Variants in SLC2A13 observed in about 807,000 individuals in gnomAD.
The protein encoded by SLC2A13 is proton myo-inositol cotransporter.
In SLC2A13, 32 loss-of-function variants were observed where a neutral mutation model predicts 64.4. That is an observed-to-expected ratio of 0.50 (90% CI 0.37 to 0.67). The LOEUF (loss-of-function observed/expected upper bound fraction) is 0.67, where lower values mean the gene tolerates loss of function less well. Ranked by LOEUF, SLC2A13 falls within the 30% of genes least tolerant of loss-of-function variation. The probability of loss-of-function intolerance (pLI) is 0.00; values close to 1 mark genes in which losing one functional copy is unlikely to be tolerated. For synonymous variants in SLC2A13, 338 were observed against 327.1 expected, an observed-to-expected ratio of 1.03 and a Z score of -0.36; for missense variants, 743 against 829.2, an observed-to-expected ratio of 0.90 and a Z score of 1.28.
At chr12:39,899,034 T>A (rs1945008003) in intron 4 of SLC2A13, among the ~76,000 whole-genome samples, 1 of 152,136 alleles carries the variant, frequency 6.6e-6, no homozygotes, top group Non-Finnish European at 1.5e-5. Flanking sequence ...TTCTATTGAT[T>A]GGAATAGTTT....
intron 6 of SLC2A13, among the ~76,000 whole-genome samples, chr12:39,837,469 C>T (rs1943042824): frequency 7.2e-6 from 1 of 138,056 alleles, no homozygotes; most frequent in African/African-American, 2.7e-5. Flanking sequence ...GCAATGGCAA[C>T]AAAAGACAAA....
Position 39,988,743 on chromosome 12 carries a change from T to C in SLC2A13, c.926-37378A>G, listed in dbSNP as rs907996878. Among the ~76,000 whole-genome samples the C allele has an allele frequency of 3.3e-4, 48 of 147,260 alleles. 1 individual carries two copies. Among genetic ancestry groups the C allele is most frequent in the Non-Finnish European group, 9.0e-5 (6 of 66,836 alleles). The stretch of plus-strand genomic sequence containing the variant: ...GAAGGAAGGAAGGGGGGGAGGAAAA[T>C]GCTGCTAAAGAGGAAACCAAGTTGT... On this transcript the variant is annotated intron_variant, in intron 3 of 9. Coordinates refer to ENST00000280871, the MANE Select transcript of SLC2A13 (RefSeq NM_052885.4).
intron 1 of SLC2A13, among the ~76,000 whole-genome samples, chr12:40,074,093 T>C (rs938318418): frequency 1.3e-5 from 2 of 152,130 alleles, no homozygotes; most frequent in African/African-American, 4.8e-5. Context: ...TTTGGAGGAT[T>C]CTTTTAAAAA....
At chr12:39,971,068 A>C (rs1946639043) in intron 3 of SLC2A13, among the ~76,000 whole-genome samples, 1 of 152,108 alleles carries the variant, frequency 6.6e-6, no homozygotes, top group Non-Finnish European at 1.5e-5. Context: ...TTTCTCTTCT[A>C]ATTCTTAACT....
chr12:40,058,599 A>C lies in SLC2A13; in HGVS notation c.557-10389T>G, dbSNP rs530997981. Among the ~76,000 whole-genome samples the C allele has an allele frequency of 4.6e-5, 7 of 152,286 alleles. No homozygotes were observed. The East Asian group carries it at 9.6e-4, about 21-fold the overall frequency. On this transcript the variant is annotated intron_variant, in intron 1 of 9. Transcript: ENST00000280871. ...TTTACTATGCAGCCAAAATTATTTT[A>C]ATGGACTTAATCAATTTCATATTTT...
chr12:40,105,389 G>A lies in SLC2A13; in HGVS notation c.420C>T (p.Ala140=), dbSNP rs551021028. The A allele has an allele frequency of 4.2e-5, 66 of 1,559,694 alleles. No homozygotes were observed. The South Asian group carries it at 7.4e-4, about 17-fold the overall frequency. ...CGCGGCGGCCGAAGACGCCGTTGAGGGCGCCTCCGGCCAGCGCCGAGACGG... is the reference window on the plus strand; with the variant it reads ...CGCGGCGGCCGAAGACGCCGTTGAGAGCGCCTCCGGCCAGCGCCGAGACGG... The part of the protein sequence containing the change: ...AAAVSALAGG[A]LNGVFGRRAA... The change falls in exon 1 of 10, where the codon GCC becomes GCT. Residue 140 remains alanine (A), a synonymous_variant. Coordinates refer to ENST00000280871, the MANE Select transcript of SLC2A13 (RefSeq NM_052885.4). The surrounding 1 kb of genome is among the most constrained non-coding windows in gnomAD (Gnocchi z 4.2).
intron 4 of SLC2A13, among the ~76,000 whole-genome samples, chr12:39,914,554 A>T (rs190615793): frequency 1.3e-5 from 2 of 152,112 alleles, no homozygotes; most frequent in Admixed American, 1.3e-4. Flanking sequence ...GGTGCAGAAG[A>T]ATAAAGCTAC....
intron 3 of SLC2A13, among the ~76,000 whole-genome samples, chr12:40,009,849 G>A (rs989434775): frequency 1.6e-4 from 25 of 152,170 alleles, no homozygotes; most frequent in Non-Finnish European, 2.9e-5. Flanking sequence ...CTGAAGAAGA[G>A]GCAGACTGAC....
At chr12:39,990,443 A>G (rs1486249631) in intron 3 of SLC2A13, among the ~76,000 whole-genome samples, 1 of 152,186 alleles carries the variant, frequency 6.6e-6, no homozygotes, top group African/African-American at 2.4e-5. Context: ...TCTGAGTAAG[A>G]GTTCTTCTAC....
At chr12:39,778,386 T>C (rs1200869036) in intron 7 of SLC2A13, among the ~76,000 whole-genome samples, 4 of 152,094 alleles carry the variant, frequency 2.6e-5, no homozygotes, top group Non-Finnish European at 5.9e-5. Context: ...GGGCCAGCTG[T>C]AGGGATGACT....
In SLC2A13 at chr12:40,105,661, T is replaced by C; in HGVS notation, c.148A>G (p.Ser50Gly). 6.7e-7 allele frequency: 1 copy of C among 1,492,588 alleles called. No homozygotes were observed. The highest frequency in any genetic ancestry group is 8.9e-7 in the Non-Finnish European group (1 of 1,123,280). The allele number at this position is 1,492,588 out of a possible 1,614,324, so 92.5% of individuals were successfully genotyped here. A position where few individuals can be genotyped will look rare whatever the true frequency, so the allele number is the denominator to read the frequency against. The change falls in exon 1 of 10, where the codon AGC becomes GGC. Residue 50 changes from serine to glycine, a missense_variant. Coordinates refer to ENST00000280871, the MANE Select transcript of SLC2A13 (RefSeq NM_052885.4). The surrounding 1 kb of genome is among the most constrained non-coding windows in gnomAD (Gnocchi z 4.2). ...CCGCCCGCGCCCGCGCTCTGCAGGC[T>C]GGTGCTCGATTCGGCGGCAGCCAGG... ...SLLAAAESST[S>G]LQSAGAGGGG...
At chr12:39,850,058 CAT>C (rs1943426645) in intron 6 of SLC2A13, among the ~76,000 whole-genome samples, 1 of 152,158 alleles carries the variant, frequency 6.6e-6, no homozygotes, top group South Asian at 2.1e-4. Flanking sequence ...CTTCTGCACA[CAT>C]GCTATCCCTC....
intron 4 of SLC2A13, among the ~76,000 whole-genome samples, chr12:39,938,575 T>C (rs545881002): frequency 6.6e-6 from 1 of 151,958 alleles, no homozygotes; most frequent in Admixed American, 6.5e-5. Flanking sequence ...TTGTGAATCA[T>C]ACAAAGAAAA....
chr12:40,029,210 C>T (rs892439076), intron 2 of SLC2A13, among the ~76,000 whole-genome samples: 2 of 152,072 alleles, frequency 1.3e-5, no homozygotes, highest in African/African-American at 4.8e-5. Context: ...CATTTTAACT[C>T]CCTCCAAGAA....
chr12:39,980,812 C>T (rs1170341600), intron 3 of SLC2A13, among the ~76,000 whole-genome samples: 1 of 152,090 alleles, frequency 6.6e-6, no homozygotes, highest in Non-Finnish European at 1.5e-5. Context: ...CTCAGCTCTG[C>T]ACCAAGCGGA....
At chr12:39,815,611 C>T (rs188928082) in intron 7 of SLC2A13, among the ~76,000 whole-genome samples, 18 of 152,156 alleles carry the variant, frequency 1.2e-4, no homozygotes, top group African/African-American at 3.6e-4. Flanking sequence ...CGGTAAGAGG[C>T]GAACGGGGAT....
At chr12:39,893,991 A>G (rs993625036) in intron 4 of SLC2A13, among the ~76,000 whole-genome samples, 4 of 152,230 alleles carry the variant, frequency 2.6e-5, no homozygotes, top group Non-Finnish European at 2.9e-5. Flanking sequence ...GAGATGTACA[A>G]TATGTCAAAA....
chr12:40,101,951 T>A (rs1555164670), intron 1 of SLC2A13, among the ~76,000 whole-genome samples: 1 of 152,180 alleles, frequency 6.6e-6, no homozygotes, highest in Non-Finnish European at 1.5e-5. Context: ...TGTAAAGTAC[T>A]CCACCAGGTC....
chr12:39,824,996 T>C (rs192484430), intron 7 of SLC2A13, among the ~76,000 whole-genome samples: 18 of 151,410 alleles, frequency 1.2e-4, no homozygotes, highest in Admixed American at 3.9e-4. Context: ...TGTGGGAGAG[T>C]GGTGAAATGC....
Sources: allele counts gnomAD v4.1 joint callset (sites outside exome capture counted in the v4.1 genomes callset), GRCh38; gene constraint gnomAD v4.1.1; non-coding constraint Gnocchi (gnomAD v3.1); transcripts MANE v1.5; gene names NCBI Gene and HGNC (gene_info 2026-07-23, HGNC 2026-07-21).